Variants in KYAT3 observed in about 807,000 individuals in gnomAD.
KYAT3 encodes kynurenine aminotransferase 3, also known as kynurenine--oxoglutarate transaminase 3.
KYAT3 carries 50 observed loss-of-function variants against 59.0 expected under a neutral mutation model. The observed-to-expected ratio is 0.85, with a 90% CI of 0.68 to 1.07. KYAT3 has a LOEUF of 1.07. KYAT3 is among the 50% of genes least tolerant of loss of function. KYAT3 has a pLI of 0.00. For synonymous variants in KYAT3, 148 were observed against 177.0 expected (o/e 0.84, Z 1.30); for missense variants, 497 against 533.3 (o/e 0.93, Z 0.67).
intron 10 of KYAT3, 26 bp downstream of exon 10, chr1:88,953,037 C>T (rs537671000): frequency 1.4e-6 from 2 of 1,384,444 alleles, no homozygotes; most frequent in Non-Finnish European, 2.1e-6. Context: ...GACAATGCTT[C>T]TACCCTGAGT....
intron 11 of KYAT3, among the ~76,000 whole-genome samples, chr1:88,946,589 A>T (rs927603037): frequency 1.3e-4 from 20 of 152,350 alleles, no homozygotes; most frequent in African/African-American, 4.8e-4. Context: ...GTTCTTTTAA[A>T]AAAATAATAA....
intron 2 of KYAT3, among the ~76,000 whole-genome samples, chr1:88,984,314 A>G (rs2101088768): frequency 6.9e-6 from 1 of 144,882 alleles, no homozygotes; most frequent in South Asian, 2.1e-4. Flanking sequence ...TCCCAGGCTC[A>G]AGCCATTCTT....
downstream of KYAT3, among the ~76,000 whole-genome samples, chr1:88,935,429 T>C (rs1674999552): frequency 6.6e-6 from 1 of 150,384 alleles, no homozygotes; most frequent in African/African-American, 2.4e-5. Flanking sequence ...GCTGGAAGAA[T>C]AGGTCATTAT....
intron 3 of KYAT3, 111 bp from the exon 4 acceptor site, chr1:88,968,925 T>C: frequency 2.6e-6 from 2 of 771,368 alleles, no homozygotes; most frequent in Non-Finnish European, 3.9e-6. Flanking sequence ...AGTTTAGTCC[T>C]ATAGGTTTTA....
chr1:88,969,532 G>A (rs1457246051), intron 2 of KYAT3, 65 bp from the exon 3 acceptor site: 8 of 848,222 alleles, frequency 9.4e-6, no homozygotes, highest in African/African-American at 1.7e-5. Context: ...GTAAATCATG[G>A]GTCACTCTTC....
At chr1:88,955,282 T>C (rs1000557682) in intron 8 of KYAT3, 57 bp from the exon 9 acceptor site, 2 of 1,014,416 alleles carry the variant, frequency 2.0e-6, no homozygotes, top group African/African-American at 3.2e-5. Context: ...ACATTTAGTA[T>C]AATCTAAAAA....
At chr1:88,988,218 T>C (rs1677582731) in intron 2 of KYAT3, 34 bp downstream of exon 2, 1 of 1,411,924 alleles carries the variant, frequency 7.1e-7, no homozygotes, top group Non-Finnish European at 1.0e-6. Context: ...GCAGAATATG[T>C]ACAATAATTT....
chr1:88,985,726 T>C (rs1677410099), intron 2 of KYAT3, among the ~76,000 whole-genome samples: 2 of 152,154 alleles, frequency 1.3e-5, no homozygotes, highest in African/African-American at 2.4e-5. Context: ...CAGAAAAATA[T>C]AGTTCATGGC....
chr1:88,956,437 C>T (rs1361491773), intron 8 of KYAT3, among the ~76,000 whole-genome samples: 2 of 152,166 alleles, frequency 1.3e-5, no homozygotes, highest in Non-Finnish European at 2.9e-5. Context: ...TTCATTCATA[C>T]ATCAAATATT....
intron 2 of KYAT3, chr1:88,982,738 G>A (rs1677163363): frequency 6.2e-7 from 1 of 1,613,964 alleles, no homozygotes; most frequent in Non-Finnish European, 8.5e-7. Context: ...TTGAACTGCT[G>A]TAGGAATCAC....
At chr1:88,975,543 T>C (rs1042304992) in intron 2 of KYAT3, among the ~76,000 whole-genome samples, 1 of 152,242 alleles carries the variant, frequency 6.6e-6, no homozygotes, top group African/African-American at 2.4e-5. Context: ...GTGAGTGCTG[T>C]ATTGTAACAA....
chr1:88,988,418 T>TAC, intron 1 of KYAT3, 67 bp from the exon 2 acceptor site: 1 of 857,106 alleles, frequency 1.2e-6, no homozygotes, highest in Non-Finnish European at 1.9e-6. Context: ...ATCAGACACT[T>TAC]ACAGCTAGCT....
intron 4 of KYAT3, among the ~76,000 whole-genome samples, chr1:88,966,533 T>C (rs1248376872): frequency 1.3e-5 from 2 of 152,178 alleles, no homozygotes; most frequent in Non-Finnish European, 2.9e-5. Flanking sequence ...TTCATTTTAA[T>C]ATATAGAAAT....
chr1:88,940,462 A>T (rs775691007), intron 13 of KYAT3, among the ~76,000 whole-genome samples: 24 of 152,234 alleles, frequency 1.6e-4, no homozygotes, highest in Non-Finnish European at 2.9e-4. Context: ...AGTAATAAGC[A>T]TGCTACCTGC....
intron 9 of KYAT3, among the ~76,000 whole-genome samples, chr1:88,954,033 C>G (rs990530302): frequency 6.6e-6 from 1 of 152,032 alleles, no homozygotes; most frequent in Non-Finnish European, 1.5e-5. Flanking sequence ...TCCCAAGTAG[C>G]TGGGATTACA....
At chr1:88,989,139 A>T (rs1030993540) in intron 1 of KYAT3, among the ~76,000 whole-genome samples, 10 of 152,224 alleles carry the variant, frequency 6.6e-5, no homozygotes. Flanking sequence ...TCTTAAGTCT[A>T]CTGTATAAGG....
At chr1:88,923,388 G>T in the KYAT3 span, 10 of 152,700 alleles carry the variant, frequency 6.5e-5, no homozygotes, top group Non-Finnish European at 1.5e-5. Context: ...GCGGAGTGTG[G>T]CTGCCAGGAA....
At chr1:88,991,176 G>A (rs1677773935) in intron 1 of KYAT3, among the ~76,000 whole-genome samples, 1 of 152,190 alleles carries the variant, frequency 6.6e-6, no homozygotes, top group Non-Finnish European at 1.5e-5. Flanking sequence ...ATTTGGGGGT[G>A]GCCCGAAGCT....
chr1:88,971,855 T>C (rs866472686), intron 2 of KYAT3, among the ~76,000 whole-genome samples: 3 of 152,174 alleles, frequency 2.0e-5, no homozygotes, highest in Non-Finnish European at 4.4e-5. Flanking sequence ...TTAAATGCAG[T>C]ACAGCAAGTC....
Sources: gnomAD v4.1 joint callset for allele counts (sites outside exome capture counted in the v4.1 genomes callset) on GRCh38, gnomAD v4.1.1 for gene constraint, MANE v1.5 for transcripts, NCBI Gene and HGNC (gene_info 2026-07-23, HGNC 2026-07-21) for gene names.